EXD3: variants seen among roughly 807,000 people sequenced by gnomAD.
EXD3 encodes exonuclease mut-7 homolog.
Under a neutral mutation model 98.0 loss-of-function variants are expected in EXD3, and 92 were observed. The ratio of observed to expected loss-of-function variants is 0.94; its 90% confidence interval spans 0.79 to 1.12. The LOEUF (loss-of-function observed/expected upper bound fraction) is 1.12, where lower values mean the gene tolerates loss of function less well. EXD3 is among the 50% of genes most tolerant of loss of function. The pLI is 0.00. For missense variants in EXD3, 1,222 were observed against 1,191.6 expected (o/e 1.03, Z -0.38); for synonymous variants, 569 against 526.0 (o/e 1.08, Z -1.12).
At chr9:137,417,687 G>A (rs1283246865) in intron 1 of EXD3, among the ~76,000 whole-genome samples, 1 of 152,306 alleles carries the variant, frequency 6.6e-6, no homozygotes, top group East Asian at 1.9e-4. Context: ...AGCAGCTTCC[G>A]CCACGAACGG....
At chr9:137,370,070 T>G (rs750818745) in intron 5 of EXD3, among the ~76,000 whole-genome samples, 3 of 151,982 alleles carry the variant, frequency 2.0e-5, no homozygotes, top group Non-Finnish European at 4.4e-5. Flanking sequence ...TCCACCCTGG[T>G]AAGGGCAGAG....
chr9:137,382,151 GGGAGGAGGTGGGAGCATGC>G (rs1266600430), intron 3 of EXD3, among the ~76,000 whole-genome samples: 43 of 70,882 alleles, frequency 6.1e-4, no homozygotes, highest in East Asian at 1.7e-3. Context: ...TGAGGGCGCG[GGGAGGAGGTGGGAGCATGC>G]GGAGGAGGTG....
At chr9:137,316,439 G>A (rs971580345) in intron 19 of EXD3, among the ~76,000 whole-genome samples, 3 of 152,086 alleles carry the variant, frequency 2.0e-5, no homozygotes, top group Middle Eastern at 3.2e-3. Context: ...GCCCGCAGAG[G>A]GGGGTAGCCC....
intron 3 of EXD3, among the ~76,000 whole-genome samples, chr9:137,382,389 C>T (rs903702736): frequency 4.6e-5 from 6 of 130,040 alleles, no homozygotes; most frequent in Middle Eastern, 3.4e-3. Context: ...ACGTGGGGGG[C>T]GGGGGGCAGA....
chr9:137,419,540 A>C (rs937510181), intron 1 of EXD3, among the ~76,000 whole-genome samples: 3 of 152,106 alleles, frequency 2.0e-5, no homozygotes, highest in Non-Finnish European at 4.4e-5. Flanking sequence ...ATGGTGGCTC[A>C]TGCCTGTAAT....
chr9:137,329,319 A>G (rs370828029), intron 17 of EXD3, among the ~76,000 whole-genome samples: 10 of 6,874 alleles, frequency 1.5e-3, no homozygotes, highest in Non-Finnish European at 1.8e-3. Flanking sequence ...GCTACACGGG[A>G]CTACACGGGA....
chr9:137,394,029 C>T (rs899146441), intron 2 of EXD3, among the ~76,000 whole-genome samples: 14 of 152,198 alleles, frequency 9.2e-5, no homozygotes, highest in African/African-American at 3.1e-4. Context: ...GGAGGCTTCC[C>T]GCCCCAGCCC....
intron 17 of EXD3, among the ~76,000 whole-genome samples, chr9:137,336,703 G>T (rs1833372104): frequency 7.8e-6 from 1 of 128,228 alleles, no homozygotes. Flanking sequence ...ACAAAGAAAA[G>T]AAATAAATCC....
At chr9:137,370,847 T>G (rs546211861) in intron 5 of EXD3, among the ~76,000 whole-genome samples, 10 of 151,696 alleles carry the variant, frequency 6.6e-5, no homozygotes, top group Non-Finnish European at 2.9e-5. Flanking sequence ...ATAAGCTGTT[T>G]AAAAAATGTA....
In EXD3 at chr9:137,328,634, A is replaced by G. The variant is rs1399096798; in HGVS notation, c.1999-4491T>C. Among the ~76,000 whole-genome samples the G allele has an allele frequency of 1.1e-4, 9 of 84,332 alleles. 1 individual carries two copies. The highest frequency in any genetic ancestry group is 5.9e-4 in the African/African-American group (9 of 15,138). The allele number at this position is 84,332 out of a possible 152,430, so 55.3% of individuals were successfully genotyped here. On this transcript the variant is annotated intron_variant, in intron 17 of 21. Transcript: ENST00000340951. The stretch of plus-strand genomic sequence containing the variant: ...GGGCTACACGGGACTACACGGGACT[A>G]CACGGGGCTACACGGGACTACACGG...
At chr9:137,325,663 C>CTCAGGTG (rs1832360656) in intron 17 of EXD3, among the ~76,000 whole-genome samples, 2 of 152,098 alleles carry the variant, frequency 1.3e-5, no homozygotes, top group African/African-American at 4.8e-5. Context: ...AAACTCCTGA[C>CTCAGGTG]CTCAGGTGAT....
intron 5 of EXD3, among the ~76,000 whole-genome samples, chr9:137,370,725 C>T (rs1835548046): frequency 6.6e-6 from 1 of 151,144 alleles, no homozygotes; most frequent in East Asian, 1.9e-4. Context: ...TGCCCAGGCT[C>T]GAAGGCCGAG....
chr9:137,309,725 G>A, intron 19 of EXD3, 25 bp from the exon 20 acceptor site: 1 of 1,536,542 alleles, frequency 6.5e-7, no homozygotes, highest in Non-Finnish European at 8.8e-7. Flanking sequence ...GGGTGCTGAG[G>A]CCCAGGCGGG....
Position 137,418,212 on chromosome 9 carries a change from T to C in EXD3, c.-48+4902A>G, listed in dbSNP as rs1331818510. ...AAATACAAAAATTAGCCAGGCGTGG[T>C]GGCATGCACCTGTAGTCCCAGCTAA... On this transcript the variant is annotated intron_variant, in intron 1 of 21. Transcript: ENST00000340951. Among the ~76,000 whole-genome samples, 12 of 152,210 alleles carry C rather than the reference T, an allele frequency of 7.9e-5. No individual in the cohort carries two copies. In the East Asian group the frequency reaches 2.1e-3, roughly 27 times the overall value.
At chr9:137,355,725 G>C (rs1028629992) in intron 8 of EXD3, among the ~76,000 whole-genome samples, 7 of 151,514 alleles carry the variant, frequency 4.6e-5, no homozygotes, top group African/African-American at 1.7e-4. Context: ...GGAGGAAGGA[G>C]GAAGGAGGAC....
intron 3 of EXD3, among the ~76,000 whole-genome samples, chr9:137,375,250 G>A (rs1056367963): frequency 3.9e-5 from 6 of 152,112 alleles, no homozygotes; most frequent in East Asian, 1.9e-4. Context: ...CTCGTGATCC[G>A]CCCGTCTCGG....
intron 2 of EXD3, among the ~76,000 whole-genome samples, chr9:137,394,831 G>T (rs1837125917): frequency 6.6e-6 from 1 of 152,168 alleles, no homozygotes. Context: ...AAATGCCTCA[G>T]TTTAAAAAAC....
chr9:137,320,629 C>T (rs1831982026), intron 19 of EXD3, among the ~76,000 whole-genome samples: 1 of 152,134 alleles, frequency 6.6e-6, no homozygotes, highest in Non-Finnish European at 1.5e-5. Flanking sequence ...TGCTCAGCCC[C>T]CGACGCCCCC....
rs1013665234 is a variant in EXD3, at chr9:137,349,695, G to C, written c.1495-164C>G. Among the ~76,000 whole-genome samples the C allele has an allele frequency of 6.6e-6, 1 of 152,070 alleles. No homozygotes were observed. Among genetic ancestry groups the C allele is most frequent in the Non-Finnish European group, 1.5e-5 (1 of 67,976 alleles). ...GAGAAGGAGCGGACACATCCGAGGA[G>C]AGGCTCCACGTGGGGGTCCCAGGCT... On this transcript the variant is annotated intron_variant, in intron 14 of 21. Coordinates refer to ENST00000340951, the MANE Select transcript of EXD3 (RefSeq NM_017820.5). This position sits in a 1 kb window ranked among gnomAD's most constrained non-coding sequence, Gnocchi z 7.4.
Sources: allele counts gnomAD v4.1 joint callset (sites outside exome capture counted in the v4.1 genomes callset), GRCh38; gene constraint gnomAD v4.1.1; non-coding constraint Gnocchi (gnomAD v3.1); transcripts MANE v1.5; gene names NCBI Gene and HGNC (gene_info 2026-07-23, HGNC 2026-07-21).